Variants in VAV1 observed in about 807,000 individuals in gnomAD.
VAV1 encodes proto-oncogene vav.
In VAV1, 33 loss-of-function variants were observed where a neutral mutation model predicts 128.1. The ratio of observed to expected loss-of-function variants is 0.26; its 90% CI spans 0.20 to 0.34. VAV1 has a LOEUF of 0.34. Among genes scored for constraint, VAV1 ranks in the 10% least tolerant of loss-of-function variants. The pLI, the probability that VAV1 is intolerant of heterozygous loss-of-function variation, is 1.00. For synonymous variants in VAV1, 394 were observed against 409.8 expected (o/e 0.96, Z 0.47); for missense variants, 715 against 1,093.7 (o/e 0.65, Z 4.88).
rs567030707 is a variant in VAV1, at chr19:6,836,959, C to T, written c.1915-26C>T. On this transcript the variant is annotated intron_variant, in intron 20 of 26. Coordinates refer to ENST00000602142, the MANE Select transcript of VAV1 (RefSeq NM_005428.4). ...TTATGGATCCTATAACCTCTCTGTTCCTGTTTTTGTCTCCTGGGTGTTTAG... is the reference window on the plus strand; with the variant it reads ...TTATGGATCCTATAACCTCTCTGTTTCTGTTTTTGTCTCCTGGGTGTTTAG... 7.4e-6 allele frequency: 12 copies of T among 1,612,966 alleles called. 1 individual carries two copies. In the South Asian group the frequency reaches 1.2e-4, roughly 16 times the overall value.
intron 14 of VAV1, among the ~76,000 whole-genome samples, chr19:6,830,720 G>A (rs1395299972): frequency 1.3e-5 from 2 of 152,112 alleles, no homozygotes; most frequent in Admixed American, 1.3e-4. Flanking sequence ...GATTACAAGC[G>A]TGAGCCACTG....
At chr19:6,799,844 CAAAAAAAAAAAAAA>C (rs60826995) in intron 1 of VAV1, among the ~76,000 whole-genome samples, 14 of 48,950 alleles carry the variant, frequency 2.9e-4, no homozygotes, top group Non-Finnish European at 6.4e-4. Flanking sequence ...GAGACTGTCT[CAAAAAAAAAAAAAA>C]AAAAAAAAGG....
Position 6,836,465 on chromosome 19 carries a change from A to T in VAV1, c.1811A>T (p.Tyr604Phe), listed in dbSNP as rs1160716963. The T allele has an allele frequency of 6.2e-7, 1 of 1,614,048 alleles. No homozygotes were observed. The highest frequency in any genetic ancestry group is 1.1e-5 in the South Asian group (1 of 91,066). The change falls in exon 20 of 27, where the codon TAC becomes TTC. Residue 604 changes from tyrosine to phenylalanine, a missense_variant. Tyr to Phe is a conservative substitution (Grantham distance 22, BLOSUM62 3). Coordinates refer to ENST00000602142, the MANE Select transcript of VAV1 (RefSeq NM_005428.4). ...LPKMEVFQEYYGLPPPPGAIG... is the reference protein window; with the variant it reads ...LPKMEVFQEYFGLPPPPGAIG... ...AAGATGGAGGTGTTTCAGGAATACT[A>T]CGGGCTTCCTCCACCCCCTGGAGCC...
In VAV1 at chr19:6,828,251, G is replaced by A. The variant is rs1194060308; in HGVS notation, c.1023+80G>A. On this transcript the variant is annotated intron_variant, in intron 10 of 26. Coordinates refer to ENST00000602142, the MANE Select transcript of VAV1 (RefSeq NM_005428.4). This position sits in a 1 kb window ranked among gnomAD's most constrained non-coding sequence, Gnocchi z 4.5. Reference sequence around the variant, plus strand: ...AAAAGTGGGGACGGGGCTGGCTTCTGGGGGTTGGGTCTCTAGGACGCTCGG... The same window carrying A: ...AAAAGTGGGGACGGGGCTGGCTTCTAGGGGTTGGGTCTCTAGGACGCTCGG... 1.7e-5 allele frequency: 27 copies of A among 1,564,370 alleles called. No individual in the cohort carries two copies. Among genetic ancestry groups the A allele is most frequent in the Non-Finnish European group, 2.3e-5 (26 of 1,143,390 alleles).
rs558125060 is a variant in VAV1 at position 6,774,255 on chromosome 19, G to A, written c.204+1244G>A. On this transcript the variant is annotated intron_variant, in intron 1 of 26. Transcript: ENST00000602142. ...TCATTCTCCTGCCTCAGCCTCCCGAGTAGCTGGGACTACAGGCGCCCGCCA... is the reference window on the plus strand; with the variant it reads ...TCATTCTCCTGCCTCAGCCTCCCGAATAGCTGGGACTACAGGCGCCCGCCA... Among the ~76,000 whole-genome samples the A allele has an allele frequency of 4.3e-3, 656 of 151,976 alleles. 3 individuals carry two copies. The highest frequency in any genetic ancestry group is 0.015 in the African/African-American group (620 of 41,422).
At chr19:6,833,074 G>A in intron 15 of VAV1, 110 bp from the exon 16 acceptor site, 1 of 895,124 alleles carries the variant, frequency 1.1e-6, no homozygotes, top group South Asian at 1.9e-5. Context: ...ATCAATGAAT[G>A]AGTGGACACG....
intron 1 of VAV1, among the ~76,000 whole-genome samples, chr19:6,794,474 A>G (rs985255695): frequency 6.6e-6 from 1 of 152,266 alleles, no homozygotes; most frequent in African/African-American, 2.4e-5. Flanking sequence ...CACTGCGCTC[A>G]GGCCTGGGCG....
At chr19:6,841,681 G>A (rs747221808) in intron 21 of VAV1, among the ~76,000 whole-genome samples, 14 of 151,034 alleles carry the variant, frequency 9.3e-5, no homozygotes, top group Non-Finnish European at 1.8e-4. Flanking sequence ...TTGCCATGTT[G>A]GTCAGGCTGG....
At chr19:6,811,556 T>C (rs10423572) in intron 1 of VAV1, among the ~76,000 whole-genome samples, 21,785 of 151,964 alleles carry the variant, frequency 0.14, 3,395 homozygotes, top group African/African-American at 0.39. Flanking sequence ...TTGGGGAAGG[T>C]TTCCTGGAAG....
chr19:6,814,659 C>CTTT (rs1568299077), intron 1 of VAV1, among the ~76,000 whole-genome samples: 65 of 35,420 alleles, frequency 1.8e-3, no homozygotes, highest in African/African-American at 7.6e-3. Flanking sequence ...TTCCTTCCTT[C>CTTT]CTTCCTTCCT....
intron 1 of VAV1, among the ~76,000 whole-genome samples, chr19:6,799,121 C>A (rs907123685): frequency 1.3e-5 from 2 of 151,950 alleles, no homozygotes; most frequent in African/African-American, 4.8e-5. Flanking sequence ...TACGGATGCA[C>A]CCCAGTTTGT....
intron 22 of VAV1, among the ~76,000 whole-genome samples, chr19:6,843,631 C>G (rs1293270046): frequency 6.6e-6 from 1 of 152,134 alleles, no homozygotes; most frequent in Non-Finnish European, 1.5e-5. Flanking sequence ...CTTAACCTCC[C>G]TCTGTTTCAG....
At chr19:6,834,622 TTAATA>T (rs1438417530) in intron 19 of VAV1, among the ~76,000 whole-genome samples, 1 of 146,414 alleles carries the variant, frequency 6.8e-6, no homozygotes, top group East Asian at 1.9e-4. Flanking sequence ...TTAATATTAA[TTAATA>T]TAATATAGTA....
At chr19:6,776,605 C>G (rs1455570771) in intron 1 of VAV1, among the ~76,000 whole-genome samples, 1 of 151,344 alleles carries the variant, frequency 6.6e-6, no homozygotes, top group Admixed American at 6.6e-5. Flanking sequence ...CTCATCCATC[C>G]ATCCATCCAT....
intron 1 of VAV1, among the ~76,000 whole-genome samples, chr19:6,794,031 C>CAAAAGTAAATGATTTACCAATAAAT (rs1445168739): frequency 1.0e-4 from 10 of 99,178 alleles, no homozygotes; most frequent in Middle Eastern, 5.2e-3. Context: ...TACCAATAAA[C>CAAAAGTAAATGATTTACCAATAAAT]CAACGGTAAA....
intron 1 of VAV1, among the ~76,000 whole-genome samples, chr19:6,802,424 G>T (rs766290863): frequency 1.3e-5 from 2 of 152,026 alleles, no homozygotes; most frequent in Non-Finnish European, 2.9e-5. Context: ...GTCCTTTCTG[G>T]TGGTCTAACT....
At chr19:6,852,733 AAAAG>A (rs978017679) in intron 24 of VAV1, among the ~76,000 whole-genome samples, 7 of 151,868 alleles carry the variant, frequency 4.6e-5, no homozygotes, top group Non-Finnish European at 8.8e-5. Flanking sequence ...AGAAAAAAAA[AAAAG>A]AAAGAAAGAA....
chr19:6,814,637 C>CTCCTTCCTTCCTTCCTTCCTTCCTTCCT (rs1169076080), intron 1 of VAV1, among the ~76,000 whole-genome samples: 10 of 82,072 alleles, frequency 1.2e-4, no homozygotes, highest in African/African-American at 5.2e-4. Flanking sequence ...TTTTCTTTCT[C>CTCCTTCCTTCCTTCCTTCCTTCCTTCCT]TCCTTCCTTC....
rs1972050440 is a variant in VAV1 at position 6,831,380 on chromosome 19, C to T, written c.1399-711C>T. Among the ~76,000 whole-genome samples, 3 of 152,092 alleles carry T rather than the reference C, an allele frequency of 2.0e-5. No homozygotes were observed. The South Asian group carries it at 6.2e-4, about 32-fold the overall frequency. ...AGGCTGGAGTGCAGAGGCATGATCT[C>T]GGCTCACTGCAACCTCCGCCTCCTG... On this transcript the variant is annotated intron_variant, in intron 14 of 26. Transcript: ENST00000602142.
Sources: gnomAD v4.1 joint callset for allele counts (sites outside exome capture counted in the v4.1 genomes callset) on GRCh38, gnomAD v4.1.1 for gene constraint, Gnocchi (gnomAD v3.1) non-coding constraint, MANE v1.5 for transcripts, NCBI Gene and HGNC (gene_info 2026-07-23, HGNC 2026-07-21) for gene names.